Variants in KCNQ1 observed in about 807,000 individuals in gnomAD.
KCNQ1 encodes the protein potassium voltage-gated channel subfamily Q member 1, also known as potassium voltage-gated channel subfamily KQT member 1.
A neutral mutation model predicts 72.4 loss-of-function variants in KCNQ1; 49 were observed. The ratio of observed to expected loss-of-function variants is 0.68; its 90% CI spans 0.54 to 0.86. The LOEUF (loss-of-function observed/expected upper bound fraction) is 0.86, where lower values mean the gene tolerates loss of function less well. Ranked by LOEUF, KCNQ1 falls within the 40% of genes least tolerant of loss-of-function variation. KCNQ1 has a pLI of 0.00. For missense variants in KCNQ1, 790 were observed against 945.1 expected, an observed-to-expected ratio of 0.84 and a Z score of 2.15; for synonymous variants, 450 against 412.6, an observed-to-expected ratio of 1.09 and a Z score of -1.10.
chr11:2,676,713 C>G lies in KCNQ1; in HGVS notation c.1514+14632C>G, dbSNP rs1377652089. The G allele has an allele frequency of 1.0e-5, 4 of 398,488 alleles. No homozygotes were observed. In the East Asian group the frequency reaches 1.1e-4, roughly 11 times the overall value. 24.7% of individuals were successfully genotyped at this position (398,488 alleles called of 1,614,324 possible). ...GGACTACAGCCTGGCAGGAGATAAC[C>G]AAGTCATATGCATAGTGGCTTTGGG... is the stretch of plus-strand genomic sequence containing the variant. On this transcript the variant is annotated intron_variant, in intron 11 of 15. Coordinates refer to ENST00000155840, the MANE Select transcript of KCNQ1 (RefSeq NM_000218.3). This position sits in a 1 kb window ranked among gnomAD's most constrained non-coding sequence, Gnocchi z 4.2.
chr11:2,614,078 G>A, intron 10 of KCNQ1: 1 of 398,546 alleles, frequency 2.5e-6, no homozygotes, highest in Non-Finnish European at 4.4e-6. Flanking sequence ...GCTTGCATGT[G>A]TAGGTGGTTT....
At position 2,782,617 on chromosome 11, in the gene KCNQ1, C is replaced by T. The variant is rs987500130; in HGVS notation, c.1794+4580C>T. On this transcript the variant is annotated intron_variant, in intron 15 of 15. Transcript: ENST00000155840. The surrounding 1 kb of genome is among the most constrained non-coding windows in gnomAD (Gnocchi z 6.1). ...GAAGATTCATCATTCCTGATTCAATCGCTCTAATAATTATGGACTGTTCAG... is the reference window on the plus strand; with the variant it reads ...GAAGATTCATCATTCCTGATTCAATTGCTCTAATAATTATGGACTGTTCAG... Among the ~76,000 whole-genome samples the T allele has an allele frequency of 4.6e-5, 7 of 152,146 alleles. No homozygotes were observed. Among genetic ancestry groups the T allele is most frequent in the Admixed American group, 3.3e-4 (5 of 15,274 alleles).
Position 2,620,372 on chromosome 11 carries a change from A to C in KCNQ1, c.1393+31518A>C, listed in dbSNP as rs1270844552. 1 of 208,462 alleles carries C rather than the reference A, an allele frequency of 4.8e-6. No individual in the cohort carries two copies. The highest frequency in any genetic ancestry group is 9.4e-6 in the Non-Finnish European group (1 of 106,748). 12.9% of individuals were successfully genotyped at this position (208,462 alleles called of 1,614,324 possible). A position where few individuals can be genotyped will look rare whatever the true frequency, so the allele number is the denominator to read the frequency against. ...GCTGGGATTAGAGGCATGCGCCACC[A>C]CGTCCAGCTAATTTTGTAGTTTTAG... is the stretch of plus-strand genomic sequence containing the variant. On this transcript the variant is annotated intron_variant, in intron 10 of 15. Transcript: ENST00000155840. The surrounding 1 kb of genome is among the most constrained non-coding windows in gnomAD (Gnocchi z 4.5).
rs1845697821 is a variant in KCNQ1 at position 2,723,007 on chromosome 11, C to T, written c.1515-45837C>T. On this transcript the variant is annotated intron_variant, in intron 11 of 15. Coordinates refer to ENST00000155840, the MANE Select transcript of KCNQ1 (RefSeq NM_000218.3). The surrounding 1 kb of genome is among the most constrained non-coding windows in gnomAD (Gnocchi z 4.2). ...TGCCTCGGGGCAGGCTCACCTCACA[C>T]CCTTGTGGGCCAGCTGCGGCCCAAA... Among the ~76,000 whole-genome samples the T allele has an allele frequency of 6.6e-6, 1 of 152,244 alleles. No individual in the cohort carries two copies. The highest frequency in any genetic ancestry group is 1.5e-5 in the Non-Finnish European group (1 of 68,036).
rs1388047549 is a variant in KCNQ1, at chr11:2,499,447, C to A, written c.387-28481C>A. Among the ~76,000 whole-genome samples the A allele has an allele frequency of 2.0e-5, 3 of 151,918 alleles. No homozygotes were observed. In the East Asian group the frequency reaches 5.8e-4, roughly 29 times the overall value. On this transcript the variant is annotated intron_variant, in intron 1 of 15. Transcript: ENST00000155840. ...AAATAATAAAATGGCAAGAGTGAGT[C>A]CTTACGTATCAATAATAATATTAAA...
chr11:2,731,265 C>A (rs953580332), intron 11 of KCNQ1, among the ~76,000 whole-genome samples: 2 of 152,206 alleles, frequency 1.3e-5, no homozygotes, highest in South Asian at 2.1e-4. Context: ...GGGTGGCAGG[C>A]GGAATCCAAG....
At chr11:2,556,125 G>T (rs1332277176) in intron 2 of KCNQ1, among the ~76,000 whole-genome samples, 1 of 152,144 alleles carries the variant, frequency 6.6e-6, no homozygotes, top group African/African-American at 2.4e-5. Context: ...GTTCCCGGTC[G>T]ACGCATCGCA....
rs1849650880 is a variant in KCNQ1, at chr11:2,645,390, G to A, written c.1394-16571G>A. 2.5e-6 allele frequency: 1 copy of A among 398,684 alleles called. No homozygotes were observed. Among genetic ancestry groups the A allele is most frequent in the Non-Finnish European group, 4.4e-6 (1 of 226,248 alleles). 24.7% of individuals were successfully genotyped at this position (398,684 alleles called of 1,614,324 possible). Reference sequence around the variant, plus strand: ...CTGGGAGAAAAGAGGGTGGGACCAGGCCAGGTGGGCCTGTCCTGAGGCCCT... The same window carrying A: ...CTGGGAGAAAAGAGGGTGGGACCAGACCAGGTGGGCCTGTCCTGAGGCCCT... On this transcript the variant is annotated intron_variant, in intron 10 of 15. Coordinates refer to ENST00000155840, the MANE Select transcript of KCNQ1 (RefSeq NM_000218.3). The surrounding 1 kb of genome is among the most constrained non-coding windows in gnomAD (Gnocchi z 5.8).
At position 2,748,494 on chromosome 11, in the gene KCNQ1, C is replaced by T. The variant is rs113457517; in HGVS notation, c.1515-20350C>T. 2.6e-5 allele frequency among the ~76,000 whole-genome samples: 4 copies of T among 152,342 alleles called. No homozygotes were observed. Among genetic ancestry groups the T allele is most frequent in the African/African-American group, 9.6e-5 (4 of 41,588 alleles). On this transcript the variant is annotated intron_variant, in intron 11 of 15. Transcript: ENST00000155840. The surrounding 1 kb of genome is among the most constrained non-coding windows in gnomAD (Gnocchi z 6.2). ...GATGCCAAACCAGGCTCCACTCTTC[C>T]TCCAGGTGAGCCCGAGGGCCCAGCT...
rs907394553 is a variant in KCNQ1 at position 2,599,624 on chromosome 11, G to A, written c.1393+10770G>A. Among the ~76,000 whole-genome samples, 2 of 152,178 alleles carry A rather than the reference G, an allele frequency of 1.3e-5. No homozygotes were observed. The highest frequency in any genetic ancestry group is 2.9e-5 in the Non-Finnish European group (2 of 68,038). ...CAGACATGTATTTCTCACAATTCTG[G>A]AGGATAGAAGTCTGAGATCAAGGTG... On this transcript the variant is annotated intron_variant, in intron 10 of 15. Transcript: ENST00000155840. The surrounding 1 kb of genome is among the most constrained non-coding windows in gnomAD (Gnocchi z 4.7).
At chr11:2,520,300 C>G (rs1847359227) in intron 1 of KCNQ1, among the ~76,000 whole-genome samples, 1 of 152,236 alleles carries the variant, frequency 6.6e-6, no homozygotes, top group South Asian at 2.1e-4. Flanking sequence ...GTGACACCTT[C>G]CACATGGGGT....
chr11:2,766,901 G>T lies in KCNQ1; in HGVS notation c.1515-1943G>T, dbSNP rs191388412. ...TGGCTTCAAATATTTTCTTTGGGCCGGGCATGGTGGCTCATGCCTGTAATC... is the reference window on the plus strand; with the variant it reads ...TGGCTTCAAATATTTTCTTTGGGCCTGGCATGGTGGCTCATGCCTGTAATC... On this transcript the variant is annotated intron_variant, in intron 11 of 15. Transcript: ENST00000155840. This position sits in a 1 kb window ranked among gnomAD's most constrained non-coding sequence, Gnocchi z 4.4. Among the ~76,000 whole-genome samples the T allele has an allele frequency of 6.6e-6, 1 of 152,264 alleles. No homozygotes were observed. Among genetic ancestry groups the T allele is most frequent in the East Asian group, 1.9e-4 (1 of 5,178 alleles).
At chr11:2,800,385 A>C (rs151290) in intron 15 of KCNQ1, among the ~76,000 whole-genome samples, 102,387 of 152,072 alleles carry the variant, frequency 0.67, 35,943 homozygotes, top group South Asian at 0.85. Flanking sequence ...CTGAGCCCAG[A>C]CCCCTGGGCT....
intron 11 of KCNQ1, among the ~76,000 whole-genome samples, chr11:2,701,555 C>T (rs751970721): frequency 9.9e-5 from 15 of 152,218 alleles, no homozygotes; most frequent in South Asian, 2.1e-4. Flanking sequence ...CAGGGTTTCA[C>T]GCTATAATGT....
In KCNQ1 at chr11:2,662,088, G is replaced by T. The variant is rs372593469; in HGVS notation, c.1514+7G>T. Reference sequence around the variant, plus strand: ...CCATCACCCACATCTCACAGTGAGTGCCTACATGTGCGTGAAGGGCTGGGC... The same window carrying T: ...CCATCACCCACATCTCACAGTGAGTTCCTACATGTGCGTGAAGGGCTGGGC... On this transcript the variant is annotated splice_region_variant and intron_variant, in intron 11 of 15. Transcript: ENST00000155840. 3.5e-5 allele frequency: 57 copies of T among 1,614,180 alleles called. No homozygotes were observed. The East Asian group carries it at 4.2e-4, about 12-fold the overall frequency.
At chr11:2,728,713 G>A (rs1042618925) in intron 11 of KCNQ1, among the ~76,000 whole-genome samples, 1 of 152,214 alleles carries the variant, frequency 6.6e-6, no homozygotes, top group African/African-American at 2.4e-5. Context: ...AGGGGGACAG[G>A]AAGTCCCTGA....
chr11:2,577,836 C>A (rs1348077167), intron 6 of KCNQ1, among the ~76,000 whole-genome samples: 4 of 152,180 alleles, frequency 2.6e-5, no homozygotes, highest in Middle Eastern at 3.2e-3. Flanking sequence ...GCTGGCCCCA[C>A]CCTTCTCTGT....
chr11:2,831,801 G>A (rs1003268752), intron 15 of KCNQ1, among the ~76,000 whole-genome samples: 2 of 146,840 alleles, frequency 1.4e-5, no homozygotes, highest in African/African-American at 5.0e-5. Context: ...TAGGTACAGC[G>A]AGGAAGTGGC....
chr11:2,645,423 T>G lies in KCNQ1; in HGVS notation c.1394-16538T>G, dbSNP rs1260392533. On this transcript the variant is annotated intron_variant, in intron 10 of 15. Transcript: ENST00000155840. This position sits in a 1 kb window ranked among gnomAD's most constrained non-coding sequence, Gnocchi z 5.8. The stretch of plus-strand genomic sequence containing the variant: ...GGCCTGTCCTGAGGCCCTCCAGTAA[T>G]GCAAGAATGTACTGACTGTGGTAGG... 5.0e-6 allele frequency: 2 copies of G among 398,652 alleles called. No homozygotes were observed. The highest frequency in any genetic ancestry group is 8.8e-6 in the Non-Finnish European group (2 of 226,164). 24.7% of individuals were successfully genotyped at this position (398,652 alleles called of 1,614,324 possible).
Sources: gnomAD v4.1 joint callset for allele counts (sites outside exome capture counted in the v4.1 genomes callset) on GRCh38, gnomAD v4.1.1 for gene constraint, Gnocchi (gnomAD v3.1) non-coding constraint, MANE v1.5 for transcripts, NCBI Gene and HGNC (gene_info 2026-07-23, HGNC 2026-07-21) for gene names.